The following CIMAP1D variants were observed in gnomAD, a reference collection of about 807,000 sequenced individuals.
CIMAP1D encodes protein CIMAP1D.
the CIMAP1D span, among the ~76,000 whole-genome samples, chr19:466,527 G>C: frequency 2.0e-5 from 3 of 151,144 alleles, no homozygotes; most frequent in African/African-American, 4.9e-5. Context: ...TGGGTGGATA[G>C]ATGGATGAGT....
chr19:473,149 T>C, the CIMAP1D span, among the ~76,000 whole-genome samples: 3 of 108,902 alleles, frequency 2.8e-5, no homozygotes, highest in African/African-American at 3.7e-5. Flanking sequence ...AGATACACGG[T>C]CACAGATGGG....
the CIMAP1D span, among the ~76,000 whole-genome samples, chr19:485,765 C>A: frequency 6.6e-6 from 1 of 152,226 alleles, no homozygotes; most frequent in Non-Finnish European, 1.5e-5. Flanking sequence ...CCTCCGATGA[C>A]CTGCTGTTTC....
At chr19:480,491 T>G in the CIMAP1D span, among the ~76,000 whole-genome samples, 6,170 of 70,224 alleles carry the variant, frequency 0.088, 1,510 homozygotes, top group African/African-American at 0.35. Context: ...AGGATGATGG[T>G]AAGGATGATG....
the CIMAP1D span, among the ~76,000 whole-genome samples, chr19:486,009 G>A: frequency 2.6e-5 from 4 of 152,320 alleles, no homozygotes; most frequent in African/African-American, 9.6e-5. Context: ...AGGAAGGCTT[G>A]TTCTTCCCGC....
chr19:465,652 G>A, the CIMAP1D span, among the ~76,000 whole-genome samples: 23 of 135,276 alleles, frequency 1.7e-4, no homozygotes, highest in South Asian at 3.9e-3. Context: ...TGGGTGGAGG[G>A]ATGAGTGGGT....
At chr19:478,653 G>A in the CIMAP1D span, among the ~76,000 whole-genome samples, 3 of 152,276 alleles carry the variant, frequency 2.0e-5, 1 homozygote, top group Non-Finnish European at 2.9e-5. Flanking sequence ...ATGCAGATGA[G>A]CCCTGATTTT....
At chr19:482,347 A>C in the CIMAP1D span, among the ~76,000 whole-genome samples, 2 of 152,158 alleles carry the variant, frequency 1.3e-5, no homozygotes, top group Non-Finnish European at 2.9e-5. Flanking sequence ...TCTAGAGAGT[A>C]GAGCCTAGGA....
the CIMAP1D span, among the ~76,000 whole-genome samples, chr19:476,236 G>A: frequency 6.6e-6 from 1 of 151,858 alleles, no homozygotes; most frequent in East Asian, 1.9e-4. Context: ...TGTATTTTTA[G>A]TAGAGACGGG....
At chr19:472,356 A>G in the CIMAP1D span, 51 of 1,223,024 alleles carry the variant, frequency 4.2e-5, no homozygotes, top group Middle Eastern at 8.0e-4. Context: ...AGATTGGAGG[A>G]TCAGGGAAGC....
chr19:464,140 C>CGGGGGGGGTGGGGGGGGGGGGG, the CIMAP1D span: 1 of 796,576 alleles, frequency 1.3e-6, no homozygotes. Context: ...GGGGGGCGGG[C>CGGGGGGGGTGGGGGGGGGGGGG]GGGGGGGGTG....
chr19:484,007 A>G, the CIMAP1D span, among the ~76,000 whole-genome samples: 1 of 152,180 alleles, frequency 6.6e-6, no homozygotes, highest in Non-Finnish European at 1.5e-5. Flanking sequence ...TTGCTGGGCA[A>G]CGTTCCATCC....
At chr19:483,261 C>T in the CIMAP1D span, among the ~76,000 whole-genome samples, 1 of 109,798 alleles carries the variant, frequency 9.1e-6, no homozygotes, top group Non-Finnish European at 1.8e-5. Context: ...CCCCCCCCAA[C>T]ACCCACCCCC....
chr19:472,349 T>C, the CIMAP1D span: 148 of 1,159,654 alleles, frequency 1.3e-4, 1 homozygote, highest in East Asian at 6.8e-4. Context: ...TGGGGGGAGA[T>C]TGGAGGATCA....
the CIMAP1D span, among the ~76,000 whole-genome samples, chr19:470,861 G>A: frequency 6.6e-6 from 1 of 152,364 alleles, no homozygotes; most frequent in South Asian, 2.1e-4. Context: ...CGGGGTCCAC[G>A]CCGGAGCTGC....
chr19:465,115 ATGGATGGGTTGATGAG>A, the CIMAP1D span, among the ~76,000 whole-genome samples: 1 of 121,064 alleles, frequency 8.3e-6, no homozygotes, highest in Non-Finnish European at 1.7e-5. Flanking sequence ...GGGTGGATGG[ATGGATGGGTTGATGAG>A]TGGATGGATG....
At chr19:466,727 G>A in the CIMAP1D span, among the ~76,000 whole-genome samples, 7 of 142,246 alleles carry the variant, frequency 4.9e-5, no homozygotes, top group Non-Finnish European at 4.6e-5. Context: ...ATGGATGGGT[G>A]GATAGATGGA....
the CIMAP1D span, among the ~76,000 whole-genome samples, chr19:466,375 T>G: frequency 1.0e-5 from 1 of 97,554 alleles, no homozygotes. Context: ...GGTGGGTGGG[T>G]GGATGGATGA....
the CIMAP1D span, among the ~76,000 whole-genome samples, chr19:484,128 CTTTTCTTTT>C: frequency 6.9e-6 from 1 of 145,578 alleles, no homozygotes; most frequent in South Asian, 2.5e-4. Context: ...TTTTTCTTTT[CTTTTCTTTT>C]TCTTTTTTTT....
the CIMAP1D span, chr19:474,660 C>G: frequency 6.3e-7 from 1 of 1,583,258 alleles, no homozygotes; most frequent in Admixed American, 1.8e-5. Flanking sequence ...TTCCTCAGGC[C>G]GGTCTCCGGA....
Sources: allele counts gnomAD v4.1 joint callset (sites outside exome capture counted in the v4.1 genomes callset), GRCh38; gene constraint gnomAD v4.1.1; transcripts MANE v1.5; gene names NCBI Gene and HGNC (gene_info 2026-07-23, HGNC 2026-07-21).